Variants in COMMD10 observed in about 807,000 individuals in gnomAD.
COMMD10 encodes the protein COMM domain-containing protein 10.
Under a neutral mutation model 28.9 loss-of-function variants are expected in COMMD10, and 33 were observed. The observed-to-expected ratio is 1.14, with a 90% CI of 0.87 to 1.53. The LOEUF (loss-of-function observed/expected upper bound fraction) is 1.53. COMMD10 is among the 40% of genes most tolerant of loss of function. The pLI, the probability that COMMD10 is intolerant of heterozygous loss-of-function variation, is 0.00. For missense variants in COMMD10, 310 were observed against 233.4 expected, an observed-to-expected ratio of 1.33 and a Z score of -2.14; for synonymous variants, 110 against 81.7, an observed-to-expected ratio of 1.35 and a Z score of -1.87.
chr5:116,127,827 A>G (rs1751713301), intron 4 of COMMD10, among the ~76,000 whole-genome samples: 1 of 152,092 alleles, frequency 6.6e-6, no homozygotes, highest in Non-Finnish European at 1.5e-5. Flanking sequence ...CCTAGTGTAA[A>G]TGACATGTTA....
intron 5 of COMMD10, among the ~76,000 whole-genome samples, chr5:116,202,542 C>T (rs1004837315): frequency 3.3e-5 from 5 of 151,426 alleles, no homozygotes; most frequent in African/African-American, 1.2e-4. Context: ...TCCTCTCCAG[C>T]ACCTGTTGTT....
chr5:116,162,103 T>C (rs949789714), intron 5 of COMMD10, among the ~76,000 whole-genome samples: 2 of 152,204 alleles, frequency 1.3e-5, no homozygotes, highest in African/African-American at 4.8e-5. Context: ...AATATGAAAA[T>C]TATAAGCATG....
intron 5 of COMMD10, among the ~76,000 whole-genome samples, chr5:116,151,150 C>A (rs1345385581): frequency 3.3e-5 from 5 of 151,782 alleles, no homozygotes; most frequent in Non-Finnish European, 7.4e-5. Flanking sequence ...TGTTTATATG[C>A]TGGATTACAT....
chr5:116,149,426 G>A (rs1436869478), intron 5 of COMMD10, among the ~76,000 whole-genome samples: 8 of 148,442 alleles, frequency 5.4e-5, no homozygotes, highest in Non-Finnish European at 1.0e-4. Flanking sequence ...CTGAGGAATC[G>A]CCACACAGAC....
intron 4 of COMMD10, among the ~76,000 whole-genome samples, chr5:116,115,472 A>AG (rs1751201896): frequency 6.6e-6 from 1 of 151,934 alleles, no homozygotes; most frequent in Non-Finnish European, 1.5e-5. Flanking sequence ...CTTTATCTTA[A>AG]CCTCTTTGGA....
At chr5:116,133,299 T>C (rs1207463591) in intron 4 of COMMD10, among the ~76,000 whole-genome samples, 1 of 152,236 alleles carries the variant, frequency 6.6e-6, no homozygotes, top group East Asian at 1.9e-4. Context: ...TAAAGTCACA[T>C]CTGTGCTCAA....
intron 5 of COMMD10, among the ~76,000 whole-genome samples, chr5:116,225,213 T>G (rs1171915777): frequency 6.6e-6 from 1 of 152,052 alleles, no homozygotes; most frequent in Non-Finnish European, 1.5e-5. Context: ...TTTTCTTCAG[T>G]TCTTTGAATA....
At chr5:116,153,812 C>T (rs866871354) in intron 5 of COMMD10, among the ~76,000 whole-genome samples, 24 of 152,180 alleles carry the variant, frequency 1.6e-4, no homozygotes, top group African/African-American at 5.5e-4. Flanking sequence ...AAACCCTCCT[C>T]AGGGTAGGTG....
At chr5:116,171,150 A>T (rs1561646354) in intron 5 of COMMD10, among the ~76,000 whole-genome samples, 1 of 150,552 alleles carries the variant, frequency 6.6e-6, no homozygotes, top group Non-Finnish European at 1.5e-5. Flanking sequence ...AGAAAACTGC[A>T]TCAAAAAATG....
chr5:116,121,258 T>G (rs1437828763), intron 4 of COMMD10, among the ~76,000 whole-genome samples: 1 of 152,204 alleles, frequency 6.6e-6, no homozygotes, highest in Non-Finnish European at 1.5e-5. Flanking sequence ...TGTGATAGTT[T>G]GCTGAGAATG....
intron 5 of COMMD10, among the ~76,000 whole-genome samples, chr5:116,196,838 C>T (rs1301629586): frequency 1.3e-5 from 2 of 152,058 alleles, no homozygotes; most frequent in Middle Eastern, 3.4e-3. Flanking sequence ...CATCATATTA[C>T]TAATTTTCAA....
rs1038379906 is a variant in COMMD10, at chr5:116,109,534, C to T, written c.399+16834C>T. ...GCTTGAACCTGGGAGGGACAGGTTGCAGTGAGCCGAGATAGTGCCACTGCA... is the reference window on the plus strand; with the variant it reads ...GCTTGAACCTGGGAGGGACAGGTTGTAGTGAGCCGAGATAGTGCCACTGCA... On this transcript the variant is annotated intron_variant, in intron 4 of 6. Transcript: ENST00000274458. Among the ~76,000 whole-genome samples, 62 of 152,196 alleles carry T rather than the reference C, an allele frequency of 4.1e-4. 1 individual carries two copies. The highest frequency in any genetic ancestry group is 1.3e-4 in the Non-Finnish European group (9 of 68,028).
At position 116,256,008 on chromosome 5, in the gene COMMD10, A is replaced by G. The variant is rs141830113; in HGVS notation, c.511-35509A>G. Among the ~76,000 whole-genome samples, 1,127 of 151,624 alleles carry G rather than the reference A, an allele frequency of 7.4e-3. 29 individuals carry two copies. The highest frequency in any genetic ancestry group is 0.026 in the African/African-American group (1,070 of 41,194). ...ATTTCATGGATATGCATATTGAGCT[A>G]TTTTCGTATTCAATCTCAGCTAAAT... On this transcript the variant is annotated intron_variant, in intron 5 of 6. Coordinates refer to ENST00000274458, the MANE Select transcript of COMMD10 (RefSeq NM_016144.4).
rs139265827 is a variant in COMMD10 at position 116,277,785 on chromosome 5, A to G, written c.511-13732A>G. On this transcript the variant is annotated intron_variant, in intron 5 of 6. Coordinates refer to ENST00000274458, the MANE Select transcript of COMMD10 (RefSeq NM_016144.4). ...CCTTGAAGACTTACGTGACAGCACA[A>G]GATAGAGAAAAATTAAGCCTGCACA... is the stretch of plus-strand genomic sequence containing the variant. Among the ~76,000 whole-genome samples the G allele has an allele frequency of 2.7e-4, 41 of 152,044 alleles. 1 individual carries two copies. The highest frequency in any genetic ancestry group is 9.9e-4 in the African/African-American group (41 of 41,366).
At chr5:116,085,166 T>G in intron 1 of COMMD10, 73 bp downstream of exon 1, 1 of 1,208,402 alleles carries the variant, frequency 8.3e-7, no homozygotes, top group East Asian at 6.4e-5. Context: ...AAGGCTGTCC[T>G]TGCTGCCTGC....
At chr5:116,268,151 A>T (rs1750646683) in intron 5 of COMMD10, among the ~76,000 whole-genome samples, 1 of 151,960 alleles carries the variant, frequency 6.6e-6, no homozygotes, top group Admixed American at 6.6e-5. Flanking sequence ...CTACCATTAG[A>T]ATGAACAGGC....
intron 5 of COMMD10, among the ~76,000 whole-genome samples, chr5:116,139,815 A>G (rs912144489): frequency 2.0e-5 from 3 of 151,768 alleles, no homozygotes; most frequent in Non-Finnish European, 3.0e-5. Flanking sequence ...ATATAAATAT[A>G]CATAGTAAAA....
At chr5:116,162,255 C>G (rs1752942937) in intron 5 of COMMD10, among the ~76,000 whole-genome samples, 1 of 151,940 alleles carries the variant, frequency 6.6e-6, no homozygotes, top group Non-Finnish European at 1.5e-5. Flanking sequence ...TAGCTACCCA[C>G]TCAGGTATTT....
chr5:116,093,392 C>G (rs1750362884), intron 4 of COMMD10, among the ~76,000 whole-genome samples: 1 of 152,162 alleles, frequency 6.6e-6, no homozygotes, highest in African/African-American at 2.4e-5. Flanking sequence ...GACAGCCTTG[C>G]TGGGATCAAC....
Sources: allele counts gnomAD v4.1 joint callset (sites outside exome capture counted in the v4.1 genomes callset), GRCh38; gene constraint gnomAD v4.1.1; transcripts MANE v1.5; gene names NCBI Gene and HGNC (gene_info 2026-07-23, HGNC 2026-07-21).